The following SLCO1B3 variants were observed in gnomAD, a reference collection of about 807,000 sequenced individuals.
The protein encoded by SLCO1B3 is solute carrier organic anion transporter family member 1B3.
Under a neutral mutation model 71.8 loss-of-function variants are expected in SLCO1B3, and 72 were observed. The ratio of observed to expected loss-of-function variants is 1.00; its 90% CI spans 0.83 to 1.22. SLCO1B3 has a LOEUF of 1.22. SLCO1B3 is among the 50% of genes most tolerant of loss of function. SLCO1B3 has a pLI of 0.00. For synonymous variants in SLCO1B3, 298 were observed against 278.4 expected, an observed-to-expected ratio of 1.07 and a Z score of -0.70; for missense variants, 911 against 819.7, an observed-to-expected ratio of 1.11 and a Z score of -1.36.
At chr12:20,882,613 C>T (rs1034431378) in intron 12 of SLCO1B3, among the ~76,000 whole-genome samples, 1 of 152,034 alleles carries the variant, frequency 6.6e-6, no homozygotes, top group Admixed American at 6.6e-5. Flanking sequence ...ACCATGTTGA[C>T]CAGGCTGGTC....
At chr12:20,898,631 G>A (rs1427130522) in intron 14 of SLCO1B3, 131 bp downstream of exon 14, 2 of 457,618 alleles carry the variant, frequency 4.4e-6, no homozygotes, top group Non-Finnish European at 7.8e-6. Context: ...TCTATTTTGT[G>A]ATAAGTGAAA....
chr12:20,849,740 CACACAT>C (rs1210080300), intron 3 of SLCO1B3, among the ~76,000 whole-genome samples: 6 of 133,708 alleles, frequency 4.5e-5, no homozygotes, highest in East Asian at 2.3e-4. Flanking sequence ...CACACACACA[CACACAT>C]ATTACTTGTG....
chr12:20,910,405 TTA>T (rs1866349382), intron 15 of SLCO1B3, among the ~76,000 whole-genome samples: 1 of 152,210 alleles, frequency 6.6e-6, no homozygotes, highest in Non-Finnish European at 1.5e-5. Context: ...TATTGTGTTC[TTA>T]CACTTAAGTA....
intron 15 of SLCO1B3, among the ~76,000 whole-genome samples, chr12:20,903,600 G>A (rs1014375841): frequency 2.0e-5 from 3 of 152,030 alleles, no homozygotes; most frequent in African/African-American, 7.2e-5. Flanking sequence ...AGAGAGCAAA[G>A]GGGGAAGTGC....
chr12:20,889,172 T>G (rs1865852454), intron 13 of SLCO1B3, among the ~76,000 whole-genome samples: 1 of 151,876 alleles, frequency 6.6e-6, no homozygotes, highest in African/African-American at 2.4e-5. Context: ...TTATTTGTTA[T>G]GTACTTGCCT....
intron 3 of SLCO1B3, among the ~76,000 whole-genome samples, chr12:20,847,698 A>AATAT (rs71043206): frequency 3.1e-4 from 47 of 150,384 alleles, no homozygotes; most frequent in Non-Finnish European, 5.3e-4. Flanking sequence ...AGAAGCAGAA[A>AATAT]ATATATATAT....
chr12:20,909,456 A>G (rs1866327728), intron 15 of SLCO1B3, among the ~76,000 whole-genome samples: 1 of 151,596 alleles, frequency 6.6e-6, no homozygotes, highest in Admixed American at 6.6e-5. Flanking sequence ...TACAGGTGTG[A>G]GCCACCACAC....
intron 3 of SLCO1B3, among the ~76,000 whole-genome samples, chr12:20,844,131 TTGTGTGTATATATATGTGTG>T (rs1223784495): frequency 6.6e-6 from 1 of 152,024 alleles, no homozygotes; most frequent in East Asian, 1.9e-4. Context: ...AGTATATAAG[TTGTGTGTATATATATGTGTG>T]TGTGTGTATA....
chr12:20,894,060 C>A (rs1865954524), intron 13 of SLCO1B3, among the ~76,000 whole-genome samples: 1 of 152,130 alleles, frequency 6.6e-6, no homozygotes, highest in Admixed American at 6.6e-5. Flanking sequence ...TTCATTAGGT[C>A]TAACTGGAAA....
At chr12:20,862,233 T>C (rs560566179) in intron 6 of SLCO1B3, among the ~76,000 whole-genome samples, 179 bp from the exon 7 acceptor site, 1 of 152,284 alleles carries the variant, frequency 6.6e-6, no homozygotes, top group South Asian at 2.1e-4. Context: ...TATAGAAAAT[T>C]TTTACTTGTT....
intron 9 of SLCO1B3, 45 bp from the exon 10 acceptor site, chr12:20,877,727 A>G (rs1009262608): frequency 1.2e-6 from 1 of 819,408 alleles, no homozygotes; most frequent in South Asian, 4.7e-5. Context: ...TCAGATATTA[A>G]TATATATTTT....
chr12:20,846,768 G>A (rs1591758598), intron 3 of SLCO1B3, among the ~76,000 whole-genome samples: 3 of 151,936 alleles, frequency 2.0e-5, no homozygotes, highest in Admixed American at 1.3e-4. Flanking sequence ...TGGGGCAGGG[G>A]AGTTATTTTT....
chr12:20,889,166 T>A (rs1865852312), intron 13 of SLCO1B3, among the ~76,000 whole-genome samples: 1 of 151,810 alleles, frequency 6.6e-6, no homozygotes, highest in Non-Finnish European at 1.5e-5. Context: ...TCTCTTTTAT[T>A]TGTTATGTAC....
In SLCO1B3 at chr12:20,860,862, G is replaced by C. The variant is rs79425652; in HGVS notation, c.360-155G>C. Among the ~76,000 whole-genome samples, 650 of 152,182 alleles carry C rather than the reference G, an allele frequency of 4.3e-3. 1 individual carries two copies. The highest frequency in any genetic ancestry group is 7.0e-3 in the Non-Finnish European group (474 of 68,020). ...CCCATTTCACCCCCTCTCATCACCT[G>C]TTCTGAAATACATGCTGGGAAGTTG... is the stretch of plus-strand genomic sequence containing the variant. On this transcript the variant is annotated intron_variant, in intron 5 of 15. Transcript: ENST00000381545.
At chr12:20,833,656 G>A (rs1386380775) in intron 3 of SLCO1B3, among the ~76,000 whole-genome samples, 1 of 112,410 alleles carries the variant, frequency 8.9e-6, no homozygotes, top group Admixed American at 1.1e-4. Flanking sequence ...CACAAACTGT[G>A]TGTGTGCATA....
intron 10 of SLCO1B3, among the ~76,000 whole-genome samples, chr12:20,879,091 T>C (rs973778988): frequency 7.2e-5 from 11 of 152,052 alleles, no homozygotes; most frequent in Non-Finnish European, 1.5e-4. Flanking sequence ...TCTTAGCCAC[T>C]GCCTTTTTCT....
intron 15 of SLCO1B3, among the ~76,000 whole-genome samples, chr12:20,904,549 T>C (rs7968942): frequency 0.15 from 22,204 of 151,968 alleles, 1,769 homozygotes; most frequent in Middle Eastern, 0.27. Context: ...CTGCAGCTTT[T>C]CCAGGCACAC....
At position 20,916,258 on chromosome 12, in the gene SLCO1B3, A is replaced by G. The variant is rs1207616464; in HGVS notation, c.*11A>G. 2 of 1,607,688 alleles carry G rather than the reference A, an allele frequency of 1.2e-6. No individual in the cohort carries two copies. The highest frequency in any genetic ancestry group is 2.7e-5 in the African/African-American group (2 of 74,600). On this transcript the variant is annotated 3_prime_UTR_variant, in exon 16 of 16. Coordinates refer to ENST00000381545, the MANE Select transcript of SLCO1B3 (RefSeq NM_019844.4). Reference sequence around the variant, plus strand: ...GCTGCTGCCAACTAACATTGCATTGATTCATTAAGATGTTATTTTTGAGGT... The same window carrying G: ...GCTGCTGCCAACTAACATTGCATTGGTTCATTAAGATGTTATTTTTGAGGT...
At chr12:20,834,679 C>T (rs76229873) in intron 3 of SLCO1B3, among the ~76,000 whole-genome samples, 18,803 of 152,002 alleles carry the variant, frequency 0.12, 1,265 homozygotes, top group Middle Eastern at 0.18. Flanking sequence ...AGGTGGGTCC[C>T]TCAGTCTTGG....
Sources: allele counts gnomAD v4.1 joint callset (sites outside exome capture counted in the v4.1 genomes callset), GRCh38; gene constraint gnomAD v4.1.1; transcripts MANE v1.5; gene names NCBI Gene and HGNC (gene_info 2026-07-23, HGNC 2026-07-21).